Variants in TEP1 observed in about 807,000 individuals in gnomAD.
The protein encoded by TEP1 is telomerase associated protein 1.
In TEP1, 241 loss-of-function variants were observed where a neutral mutation model predicts 306.3. The observed-to-expected ratio is 0.79, with a 90% CI of 0.71 to 0.88. TEP1 has a LOEUF of 0.88. Among genes scored for constraint, TEP1 ranks in the 40% least tolerant of loss-of-function variants. The probability of loss-of-function intolerance (pLI) is 0.00; values close to 1 mark genes in which losing one functional copy is unlikely to be tolerated. For synonymous variants in TEP1, 1,289 were observed against 1,305.5 expected (o/e 0.99, Z 0.27); for missense variants, 3,051 against 3,276.1 (o/e 0.93, Z 1.68).
At position 20,391,598 on chromosome 14, in the gene TEP1, C is replaced by G. The variant is rs1465718493; in HGVS notation, c.2097+1G>C. ...TTGGAGGATGCTTTTTGTTTTCTTA[C>G]CCCTTGTGGGTTGCTCTTTGGACAG... On this transcript the variant is annotated splice_donor_variant, in intron 13 of 54. Transcript: ENST00000262715. LOFTEE classifies it high-confidence loss of function. The G allele has an allele frequency of 2.5e-6, 4 of 1,610,682 alleles. No homozygotes were observed. In the African/African-American group the frequency reaches 5.3e-5, roughly 22 times the overall value.
chr14:20,393,049 TAAA>T (rs1172455716), intron 12 of TEP1, among the ~76,000 whole-genome samples: 1 of 151,344 alleles, frequency 6.6e-6, no homozygotes, highest in Admixed American at 6.6e-5. Context: ...CCATCTCTAC[TAAA>T]AAAAATACAA....
At chr14:20,407,786 A>G in intron 2 of TEP1, 87 bp downstream of exon 2, 1 of 1,227,940 alleles carries the variant, frequency 8.1e-7, no homozygotes, top group Non-Finnish European at 1.2e-6. Flanking sequence ...ACAGAGCAGC[A>G]CAGAGGGAAA....
intron 20 of TEP1, 123 bp from the exon 21 acceptor site, chr14:20,385,232 C>T: frequency 8.0e-7 from 1 of 1,247,324 alleles, no homozygotes; most frequent in Non-Finnish European, 1.1e-6. Context: ...CAGGCACAAG[C>T]AATAAAATAT....
chr14:20,385,357 G>C (rs1877046786), intron 20 of TEP1, among the ~76,000 whole-genome samples: 1 of 151,634 alleles, frequency 6.6e-6, no homozygotes, highest in Non-Finnish European at 1.5e-5. Context: ...ACAGACCTTT[G>C]ATTTTTTTTT....
At chr14:20,387,440 T>C (rs569079461) in intron 18 of TEP1, among the ~76,000 whole-genome samples, 1 of 150,314 alleles carries the variant, frequency 6.7e-6, no homozygotes, top group South Asian at 2.1e-4. Flanking sequence ...TAGTCCCAGC[T>C]ACTCGGGAGG....
rs1878917873 is a variant in TEP1 at position 20,403,433 on chromosome 14, A to G, written c.1210T>C (p.Phe404Leu). 4 of 1,614,218 alleles carry G rather than the reference A, an allele frequency of 2.5e-6. No homozygotes were observed. Among genetic ancestry groups the G allele is most frequent in the Non-Finnish European group, 3.4e-6 (4 of 1,180,034 alleles). ...TACCTTGGAAAACATCTGTGAGAAA[A>G]TGGAGGCTCCATCCCCTGTAGGGAC... ...PPRSPGMEPP[F>L]SHRCFPRYIG... The change falls in exon 7 of 55, where the codon TTT becomes CTT. Residue 404 changes from phenylalanine (F) to leucine (L), a missense_variant. Physicochemically the swap from Phe to Leu is conservative, Grantham distance 22. This residue lies in a region of TEP1 where 1,507 missense variants were observed against 1,550.5 expected (regional missense o/e 0.97). Transcript: ENST00000262715.
intron 26 of TEP1, 51 bp downstream of exon 26, chr14:20,383,437 C>T: frequency 6.2e-7 from 1 of 1,612,544 alleles, no homozygotes; most frequent in African/African-American, 1.3e-5. Flanking sequence ...GTGCCGTATC[C>T]CTCCTTCTCC....
intron 51 of TEP1, 139 bp from the exon 52 acceptor site, chr14:20,369,918 A>AT (rs57797321): frequency 0.2 from 98,896 of 499,938 alleles, 2,752 homozygotes; most frequent in African/African-American, 0.23. Flanking sequence ...AAGTGCGCAA[A>AT]TTTTTTTTTT....
chr14:20,372,362 A>ATGTGTG (rs1207479974), intron 49 of TEP1, among the ~76,000 whole-genome samples: 39 of 135,110 alleles, frequency 2.9e-4, no homozygotes, highest in African/African-American at 9.3e-4. Flanking sequence ...CCCCAGGAAT[A>ATGTGTG]TGTGTGTGTG....
chr14:20,369,450 G>C lies in TEP1; in HGVS notation c.7550C>G (p.Pro2517Arg). ...KKANTPETQT[P>R]GTDPSTCRES... ...CCTGCAGGTAGATGGGTCTGTCCCT[G>C]GAGTTTGGGTTTCTGGAGTGTTTGC... Residue 2517 changes from proline (P) to arginine (R), a missense_variant, in exon 53 of 55, where the codon CCA becomes CGA. Coordinates refer to ENST00000262715, the MANE Select transcript of TEP1 (RefSeq NM_007110.5). The C allele has an allele frequency of 1.2e-6, 2 of 1,614,148 alleles. No homozygotes were observed. The highest frequency in any genetic ancestry group is 1.7e-6 in the Non-Finnish European group (2 of 1,180,034).
rs1374952849 is a variant in TEP1 at position 20,377,279 on chromosome 14, C to T, written c.6088+1G>A. On this transcript the variant is annotated splice_donor_variant, in intron 41 of 54. Transcript: ENST00000262715. LOFTEE classifies it high-confidence loss of function. ...TAACCCTGCCCACTGTCTAGTAGTA[C>T]CTGAGGCAGAAGCCAAGAGCTCCTG... The T allele has an allele frequency of 1.9e-6, 3 of 1,609,808 alleles. No homozygotes were observed. The highest frequency in any genetic ancestry group is 2.5e-6 in the Non-Finnish European group (3 of 1,176,892).
chr14:20,401,911 C>A (rs542707501), intron 7 of TEP1, among the ~76,000 whole-genome samples: 2 of 152,200 alleles, frequency 1.3e-5, no homozygotes, highest in African/African-American at 4.8e-5. Flanking sequence ...AAATCAGCTC[C>A]GATTTAAATC....
chr14:20,369,232 TCTC>T, intron 53 of TEP1, 109 bp downstream of exon 53: 1 of 1,045,176 alleles, frequency 9.6e-7, no homozygotes, highest in South Asian at 1.4e-5. Context: ...ATGGTCTTGA[TCTC>T]CTGACCTCAT....
chr14:20,382,565 G>T, intron 28 of TEP1, 58 bp downstream of exon 28: 1 of 1,598,084 alleles, frequency 6.3e-7, no homozygotes. Context: ...ATGAGACAAA[G>T]CAGCTGAAGA....
chr14:20,403,690 G>T, intron 6 of TEP1, 33 bp downstream of exon 6: 4 of 1,612,468 alleles, frequency 2.5e-6, no homozygotes, highest in Non-Finnish European at 3.4e-6. Context: ...TGGAGAAAAG[G>T]GGCGTGGGTC....
intron 42 of TEP1, 79 bp downstream of exon 42, chr14:20,376,025 C>G (rs1885152742): frequency 6.4e-7 from 1 of 1,559,472 alleles, no homozygotes; most frequent in Admixed American, 1.8e-5. Context: ...CAGGAGGAAG[C>G]AATGGGAAAT....
Position 20,386,651 on chromosome 14 carries a change from G to A in TEP1, c.2685-28C>T, listed in dbSNP as rs749401376. 15 of 1,544,612 alleles carry A rather than the reference G, an allele frequency of 9.7e-6. No individual in the cohort carries two copies. In the East Asian group the frequency reaches 2.5e-4, roughly 26 times the overall value. ...GGGGATAAGCAGAGAGCTGGGCTCA[G>A]TCTAGGGATGATTCCCACCCCCCAT... On this transcript the variant is annotated intron_variant, in intron 18 of 54. Coordinates refer to ENST00000262715, the MANE Select transcript of TEP1 (RefSeq NM_007110.5).
At chr14:20,382,857 A>G in intron 27 of TEP1, 142 bp from the exon 28 acceptor site, 1 of 789,774 alleles carries the variant, frequency 1.3e-6, no homozygotes, top group Non-Finnish European at 2.1e-6. Context: ...ATCCCAGGAC[A>G]CAAACCATCC....
chr14:20,377,021 GCATGACCAA>G (rs1885213837), intron 41 of TEP1, among the ~76,000 whole-genome samples: 1 of 152,076 alleles, frequency 6.6e-6, no homozygotes, highest in African/African-American at 2.4e-5. Context: ...TTCGAGACCA[GCATGACCAA>G]CATGGTGAAA....
Sources: gnomAD v4.1 joint callset for allele counts (sites outside exome capture counted in the v4.1 genomes callset) on GRCh38, gnomAD v4.1.1 for gene constraint, gnomAD v4.1.1 regional missense constraint, MANE v1.5 for transcripts, NCBI Gene and HGNC (gene_info 2026-07-23, HGNC 2026-07-21) for gene names.